The following MED13L variants were observed in gnomAD, a reference collection of about 807,000 sequenced individuals.
MED13L encodes mediator of RNA polymerase II transcription subunit 13-like.
In MED13L, 7 loss-of-function variants were observed where a neutral mutation model predicts 220.9. The observed-to-expected ratio is 0.03, with a 90% CI of 0.02 to 0.06. The LOEUF (loss-of-function observed/expected upper bound fraction) is 0.06, where lower values mean the gene tolerates loss of function less well. MED13L is among the 10% of genes least tolerant of loss of function. MED13L has a pLI of 1.00. For synonymous variants in MED13L, 1,011 were observed against 1,015.2 expected, an observed-to-expected ratio of 1.00 and a Z score of 0.08; for missense variants, 1,965 against 2,760.5, an observed-to-expected ratio of 0.71 and a Z score of 6.46.
chr12:116,226,890 A>C (rs1428095367), intron 2 of MED13L, among the ~76,000 whole-genome samples: 1 of 149,874 alleles, frequency 6.7e-6, no homozygotes, highest in East Asian at 2.0e-4. Flanking sequence ...AAAAAACACC[A>C]CAGATGCCTA....
At position 116,095,956 on chromosome 12, in the gene MED13L, G is replaced by A. The variant is rs537023785; in HGVS notation, c.479+713C>T. Among the ~76,000 whole-genome samples the A allele has an allele frequency of 5.9e-5, 9 of 152,188 alleles. No individual in the cohort carries two copies. The South Asian group carries it at 1.2e-3, about 21-fold the overall frequency. On this transcript the variant is annotated intron_variant, in intron 4 of 30. Coordinates refer to ENST00000281928, the MANE Select transcript of MED13L (RefSeq NM_015335.5). ...AATTCACAGTTCTGGTTTTACAATC[G>A]TCAAAGATGTGTTGATCTTCTTTAA...
intron 28 of MED13L, among the ~76,000 whole-genome samples, 186 bp from the exon 29 acceptor site, chr12:115,966,429 A>T (rs1182624284): frequency 6.6e-6 from 1 of 152,232 alleles, no homozygotes; most frequent in East Asian, 1.9e-4. Flanking sequence ...CATAGAGAAG[A>T]TACCAGCAAA....
chr12:116,188,746 C>T (rs897971342), intron 2 of MED13L, among the ~76,000 whole-genome samples: 2 of 152,104 alleles, frequency 1.3e-5, no homozygotes, highest in African/African-American at 4.8e-5. Flanking sequence ...CACTTCCACC[C>T]CTCCTAAACC....
intron 2 of MED13L, among the ~76,000 whole-genome samples, chr12:116,186,478 T>C (rs1349021111): frequency 2.0e-5 from 3 of 152,182 alleles, no homozygotes; most frequent in African/African-American, 7.2e-5. Flanking sequence ...ACTTTTTTTT[T>C]CCAGGAATAA....
intron 7 of MED13L, among the ~76,000 whole-genome samples, chr12:116,018,480 C>G (rs929074482): frequency 6.6e-6 from 1 of 152,122 alleles, no homozygotes; most frequent in Non-Finnish European, 1.5e-5. Flanking sequence ...CAGCTTGGCC[C>G]ACATTCAATG....
At chr12:116,263,286 A>G (rs1467115821) in intron 1 of MED13L, among the ~76,000 whole-genome samples, 2 of 152,206 alleles carry the variant, frequency 1.3e-5, no homozygotes, top group Non-Finnish European at 2.9e-5. Flanking sequence ...CTAAAAAAAG[A>G]ATTATAAATT....
chr12:116,239,849 T>C (rs1870456809), intron 1 of MED13L, among the ~76,000 whole-genome samples: 1 of 152,234 alleles, frequency 6.6e-6, no homozygotes, highest in African/African-American at 2.4e-5. Flanking sequence ...TATTAATACA[T>C]AGTCCTTGTT....
chr12:116,242,046 G>GTT (rs1870699627), intron 1 of MED13L, among the ~76,000 whole-genome samples: 2 of 129,610 alleles, frequency 1.5e-5, no homozygotes, highest in Non-Finnish European at 3.3e-5. Context: ...AAGTTCTTTT[G>GTT]TCTTTTTTTT....
intron 2 of MED13L, among the ~76,000 whole-genome samples, chr12:116,148,051 CAAAA>C (rs10678970): frequency 4.4e-3 from 79 of 18,134 alleles, no homozygotes; most frequent in Non-Finnish European, 6.3e-3. Context: ...GACCCCATCT[CAAAA>C]AAAAAAAAAA....
intron 4 of MED13L, among the ~76,000 whole-genome samples, chr12:116,030,117 G>A (rs80186076): frequency 0.016 from 2,457 of 152,120 alleles, 41 homozygotes; most frequent in Middle Eastern, 0.031. Flanking sequence ...ACAGATGTGC[G>A]CCGCTACGCC....
At chr12:116,191,145 C>A (rs1259130268) in intron 2 of MED13L, among the ~76,000 whole-genome samples, 3 of 150,636 alleles carry the variant, frequency 2.0e-5, no homozygotes, top group African/African-American at 4.9e-5. Context: ...TTGGTTCAGT[C>A]AAGGAACAGT....
chr12:116,005,833 G>A, intron 13 of MED13L, 36 bp downstream of exon 13: 1 of 1,612,756 alleles, frequency 6.2e-7, no homozygotes, highest in Non-Finnish European at 8.5e-7. Flanking sequence ...CTTTCATGTA[G>A]CGAAATTTTT....
At chr12:116,237,266 C>T (rs143138712) in intron 2 of MED13L, among the ~76,000 whole-genome samples, 101 of 151,984 alleles carry the variant, frequency 6.6e-4, no homozygotes, top group African/African-American at 2.2e-3. Flanking sequence ...TTCTGATTCT[C>T]AGCATAACTG....
chr12:116,005,973 C>T lies in MED13L; in HGVS notation c.2365G>A (p.Ala789Thr). 1 of 1,613,932 alleles carries T rather than the reference C, an allele frequency of 6.2e-7. No homozygotes were observed. The highest frequency in any genetic ancestry group is 8.5e-7 in the Non-Finnish European group (1 of 1,179,856). Residue 789 changes from alanine to threonine, a missense_variant, in exon 13 of 31, where the codon GCT becomes ACT. By Grantham distance (58) the Ala-to-Thr change is moderately conservative. This residue lies in a region of MED13L where 818 missense variants were observed against 1,041.2 expected (regional missense o/e 0.79). Transcript: ENST00000281928. ...TKTDVRQDNA[A>T]GRAGSSSLTQ... is the part of the protein sequence containing the mutation. ...AGGCTACTGGAGCCAGCTCTGCCAG[C>T]AGCATTATCCTGCCGGACATCTGTA... is the stretch of plus-strand genomic sequence containing the variant.
intron 29 of MED13L, 100 bp downstream of exon 29, chr12:115,965,981 GA>G: frequency 3.6e-6 from 5 of 1,401,284 alleles, no homozygotes. Flanking sequence ...AAAAGGAACA[GA>G]ATAAGATTAT....
chr12:116,211,577 C>T (rs902902787), intron 2 of MED13L, among the ~76,000 whole-genome samples: 2 of 152,118 alleles, frequency 1.3e-5, no homozygotes, highest in African/African-American at 2.4e-5. Flanking sequence ...AAGATATATC[C>T]TGAAACTGCC....
Position 115,982,502 on chromosome 12 carries a change from G to T in MED13L, c.5057C>A (p.Thr1686Lys), listed in dbSNP as rs1877397719. The change falls in exon 22 of 31, where the codon ACG (threonine) becomes AAG (lysine). Residue 1686 changes from threonine (T) to lysine (K), a missense_variant. Thr to Lys is a moderately conservative substitution (Grantham distance 78). This residue lies in a region of MED13L where 510 missense variants were observed against 620.4 expected (regional missense o/e 0.82). Coordinates refer to ENST00000281928, the MANE Select transcript of MED13L (RefSeq NM_015335.5). ...AGTGGAGTCCTCCTCTGCAGCATAC[G>T]TGAACGGGTCCACCATGTAAATGAC... ...AVVIYMVDPF[T>K]YAAEEDSTSG... is the part of the protein sequence containing the mutation. 3 of 1,614,040 alleles carry T rather than the reference G, an allele frequency of 1.9e-6. No individual in the cohort carries two copies. The African/African-American group carries it at 4.0e-5, about 22-fold the overall frequency.
At chr12:116,185,511 C>T (rs1193839252) in intron 2 of MED13L, among the ~76,000 whole-genome samples, 1 of 152,082 alleles carries the variant, frequency 6.6e-6, no homozygotes, top group Non-Finnish European at 1.5e-5. Flanking sequence ...CTGACCATGA[C>T]ATTAACAACA....
chr12:116,013,222 T>C (rs1879522932), intron 8 of MED13L, among the ~76,000 whole-genome samples: 1 of 152,104 alleles, frequency 6.6e-6, no homozygotes. Context: ...ATACAAAAAT[T>C]AGCCGGGCAT....
Sources: allele counts gnomAD v4.1 joint callset (sites outside exome capture counted in the v4.1 genomes callset), GRCh38; gene constraint gnomAD v4.1.1; regional missense constraint gnomAD v4.1.1; transcripts MANE v1.5; gene names NCBI Gene and HGNC (gene_info 2026-07-23, HGNC 2026-07-21).